The following CCDC7 variants were observed in gnomAD, a reference collection of about 807,000 sequenced individuals.
CCDC7 encodes the protein coiled-coil domain-containing protein 7.
Under a neutral mutation model 196.9 loss-of-function variants are expected in CCDC7, and 183 were observed. The ratio of observed to expected loss-of-function variants is 0.93; its 90% CI spans 0.82 to 1.05. The LOEUF (loss-of-function observed/expected upper bound fraction) is 1.05. Ranked by LOEUF, CCDC7 falls within the 50% of genes least tolerant of loss-of-function variation. CCDC7 has a pLI of 0.00. For missense variants in CCDC7, 1,540 were observed against 1,482.2 expected (o/e 1.04, Z -0.64); for synonymous variants, 525 against 484.6 (o/e 1.08, Z -1.10).
chr10:32,754,787 G>A (rs1380857043), intron 28 of CCDC7, among the ~76,000 whole-genome samples: 3 of 152,138 alleles, frequency 2.0e-5, no homozygotes, highest in Non-Finnish European at 2.9e-5. Context: ...AGTGGGTACA[G>A]CCCACAGAGT....
At chr10:32,483,309 G>A (rs1027975112) in intron 8 of CCDC7, among the ~76,000 whole-genome samples, 9 of 152,208 alleles carry the variant, frequency 5.9e-5, no homozygotes, top group African/African-American at 1.9e-4. Flanking sequence ...TTTGAGAAGT[G>A]TCTGTTCATA....
At chr10:32,493,125 T>C (rs2042397796) in intron 9 of CCDC7, among the ~76,000 whole-genome samples, 1 of 151,850 alleles carries the variant, frequency 6.6e-6, no homozygotes, top group Non-Finnish European at 1.5e-5. Context: ...TTTCCCTTTG[T>C]CTAGCTGAAA....
intron 6 of CCDC7, among the ~76,000 whole-genome samples, chr10:32,471,761 A>C (rs1318318602): frequency 6.6e-6 from 1 of 152,128 alleles, no homozygotes; most frequent in African/African-American, 2.4e-5. Flanking sequence ...ATACATACCC[A>C]TAGTTGGGAG....
At chr10:32,636,441 A>G (rs1025522790) in intron 20 of CCDC7, among the ~76,000 whole-genome samples, 5 of 151,680 alleles carry the variant, frequency 3.3e-5, no homozygotes, top group Non-Finnish European at 7.4e-5. Flanking sequence ...ATGTGTTCTC[A>G]CTGTTCAATT....
chr10:32,745,421 C>T (rs1323928702), intron 28 of CCDC7, among the ~76,000 whole-genome samples: 1 of 152,160 alleles, frequency 6.6e-6, no homozygotes, highest in Non-Finnish European at 1.5e-5. Context: ...GAAGCTTTAA[C>T]TCACAATGTA....
intron 25 of CCDC7, among the ~76,000 whole-genome samples, chr10:32,725,538 G>C (rs1398726691): frequency 6.6e-6 from 1 of 151,898 alleles, no homozygotes; most frequent in Non-Finnish European, 1.5e-5. Flanking sequence ...ATTTTGTATT[G>C]CTGTGAAGGA....
intron 11 of CCDC7, among the ~76,000 whole-genome samples, chr10:32,522,986 A>G (rs1299441764): frequency 2.0e-5 from 3 of 151,784 alleles, no homozygotes; most frequent in Non-Finnish European, 2.9e-5. Context: ...TCCTTTTGTT[A>G]TTGATTTGTG....
intron 11 of CCDC7, among the ~76,000 whole-genome samples, chr10:32,540,701 TCTTCTGG>T (rs2051266308): frequency 6.6e-6 from 1 of 152,222 alleles, no homozygotes. Context: ...CAACCCAGTC[TCTTCTGG>T]CTTGTAGGGT....
intron 29 of CCDC7, among the ~76,000 whole-genome samples, chr10:32,782,523 C>G (rs957046702): frequency 6.6e-6 from 1 of 152,066 alleles, no homozygotes; most frequent in African/African-American, 2.4e-5. Context: ...CCACCGTGCC[C>G]GGCCAGAAGA....
chr10:32,700,256 T>C (rs894088511), intron 24 of CCDC7, among the ~76,000 whole-genome samples: 1 of 149,626 alleles, frequency 6.7e-6, no homozygotes, highest in Non-Finnish European at 1.5e-5. Context: ...GGGATCCAGA[T>C]TCAGCTTTCT....
chr10:32,683,005 C>T (rs529406890), intron 21 of CCDC7, among the ~76,000 whole-genome samples: 57 of 152,008 alleles, frequency 3.7e-4, no homozygotes, highest in Non-Finnish European at 7.8e-4. Context: ...TTAATTAGAT[C>T]CTATTTGTTA....
intron 9 of CCDC7, among the ~76,000 whole-genome samples, chr10:32,494,156 T>C (rs2042551350): frequency 6.6e-6 from 1 of 152,162 alleles, no homozygotes; most frequent in African/African-American, 2.4e-5. Flanking sequence ...CTTCAAGTAG[T>C]TTTACAGTTT....
chr10:32,564,500 A>G (rs1198057993), intron 13 of CCDC7, among the ~76,000 whole-genome samples: 1 of 152,164 alleles, frequency 6.6e-6, no homozygotes, highest in Non-Finnish European at 1.5e-5. Flanking sequence ...TGTCCTTTGT[A>G]GGGACATGGA....
chr10:32,621,474 A>C (rs557328518), intron 18 of CCDC7, among the ~76,000 whole-genome samples: 1 of 152,320 alleles, frequency 6.6e-6, no homozygotes, highest in South Asian at 2.1e-4. Context: ...CTGTCTGTCT[A>C]TATCTCTATC....
At chr10:32,672,301 T>C (rs1453318453) in intron 21 of CCDC7, among the ~76,000 whole-genome samples, 1 of 152,216 alleles carries the variant, frequency 6.6e-6, no homozygotes, top group Admixed American at 6.5e-5. Context: ...TCCAGCTCTC[T>C]ATGATGGCTA....
intron 18 of CCDC7, among the ~76,000 whole-genome samples, chr10:32,586,295 T>G (rs918944567): frequency 6.6e-6 from 1 of 152,242 alleles, no homozygotes; most frequent in Non-Finnish European, 1.5e-5. Context: ...GATGGATAGA[T>G]TGCAAAATTG....
At chr10:32,444,958 A>C (rs959394354), upstream of CCDC7, among the ~76,000 whole-genome samples, 2 of 151,204 alleles carry the variant, frequency 1.3e-5, no homozygotes, top group African/African-American at 4.9e-5. Context: ...GGTTCAAGTG[A>C]TTCTCCTGCC....
intron 2 of CCDC7, among the ~76,000 whole-genome samples, chr10:32,454,435 G>A (rs71493129): frequency 2.0e-5 from 3 of 152,090 alleles, no homozygotes; most frequent in South Asian, 2.1e-4. Flanking sequence ...GGAGGGAGGC[G>A]GGGTAAGGGT....
chr10:32,730,664 A>G (rs2083809188), intron 28 of CCDC7, among the ~76,000 whole-genome samples: 1 of 152,030 alleles, frequency 6.6e-6, no homozygotes, highest in African/African-American at 2.4e-5. Flanking sequence ...TTTTAACTAG[A>G]CACTGATTTG....
Sources: allele counts gnomAD v4.1 joint callset (sites outside exome capture counted in the v4.1 genomes callset), GRCh38; gene constraint gnomAD v4.1.1; transcripts MANE v1.5; gene names NCBI Gene and HGNC (gene_info 2026-07-23, HGNC 2026-07-21).